The following DENND1A variants were observed in gnomAD, a reference collection of about 807,000 sequenced individuals.
DENND1A encodes the protein DENN domain-containing protein 1A.
A neutral mutation model predicts 113.7 loss-of-function variants in DENND1A; 51 were observed. That is an observed-to-expected ratio of 0.45 (90% CI 0.36 to 0.57). The LOEUF (loss-of-function observed/expected upper bound fraction) is 0.57. Ranked by LOEUF, DENND1A falls within the 20% of genes least tolerant of loss-of-function variation. The pLI is 0.00. For missense variants in DENND1A, 1,258 were observed against 1,395.9 expected (o/e 0.90, Z 1.57); for synonymous variants, 565 against 570.8 (o/e 0.99, Z 0.14).
intron 10 of DENND1A, among the ~76,000 whole-genome samples, chr9:123,614,434 C>T (rs2060551623): frequency 6.6e-6 from 1 of 152,176 alleles, no homozygotes; most frequent in Non-Finnish European, 1.5e-5. Flanking sequence ...TGCAGACTTA[C>T]TAACGATCCT....
chr9:123,413,424 T>C, intron 19 of DENND1A: 1 of 985,438 alleles, frequency 1.0e-6, no homozygotes, highest in African/African-American at 1.7e-5. Context: ...ACAGTGCTGA[T>C]ATAGGGCTCT....
intron 1 of DENND1A, among the ~76,000 whole-genome samples, chr9:123,908,647 C>G (rs1309469280): frequency 2.0e-5 from 3 of 150,694 alleles, no homozygotes; most frequent in South Asian, 2.1e-4. Context: ...ACCACAATGA[C>G]ATACCATCTC....
intron 2 of DENND1A, among the ~76,000 whole-genome samples, chr9:123,811,301 G>C (rs1836557682): frequency 6.6e-6 from 1 of 152,224 alleles, no homozygotes; most frequent in African/African-American, 2.4e-5. Flanking sequence ...GGTTAGAAGT[G>C]TGGGAAACAT....
chr9:123,636,741 C>T (rs1265868680), intron 9 of DENND1A, among the ~76,000 whole-genome samples: 1 of 147,868 alleles, frequency 6.8e-6, no homozygotes, highest in Non-Finnish European at 1.5e-5. Flanking sequence ...ACTCTTGTTG[C>T]CCAGGCTGGA....
intron 5 of DENND1A, among the ~76,000 whole-genome samples, chr9:123,735,021 T>C (rs1462881234): frequency 6.6e-6 from 1 of 152,084 alleles, no homozygotes; most frequent in Non-Finnish European, 1.5e-5. Context: ...CCAGAAAAGT[T>C]GGAGATGCTC....
At chr9:123,740,994 T>C (rs765642457) in intron 5 of DENND1A, among the ~76,000 whole-genome samples, 1 of 151,072 alleles carries the variant, frequency 6.6e-6, no homozygotes, top group African/African-American at 2.4e-5. Context: ...GCAACTTTTA[T>C]TCATTCAATA....
intron 5 of DENND1A, among the ~76,000 whole-genome samples, chr9:123,727,249 G>A (rs1589827368): frequency 6.6e-6 from 1 of 152,230 alleles, no homozygotes; most frequent in East Asian, 1.9e-4. Flanking sequence ...AGAGAAAAGA[G>A]CCAGAAAACA....
chr9:123,491,532 CG>C (rs2051376037), intron 13 of DENND1A, among the ~76,000 whole-genome samples: 1 of 152,190 alleles, frequency 6.6e-6, no homozygotes, highest in Non-Finnish European at 1.5e-5. Context: ...CTGCCATGAA[CG>C]CTCTAGTATA....
At chr9:123,881,543 C>A (rs1848315979) in intron 1 of DENND1A, among the ~76,000 whole-genome samples, 2 of 152,172 alleles carry the variant, frequency 1.3e-5, no homozygotes, top group Admixed American at 6.5e-5. Context: ...TTCTTCAGGA[C>A]CCTAGGACTT....
At chr9:123,646,449 G>A (rs998364789) in intron 9 of DENND1A, among the ~76,000 whole-genome samples, 2 of 152,088 alleles carry the variant, frequency 1.3e-5, no homozygotes, top group African/African-American at 4.8e-5. Context: ...TAGCATGTTG[G>A]CATGCTCATA....
At position 123,745,182 on chromosome 9, in the gene DENND1A, G is replaced by A. The variant is rs2069386262; in HGVS notation, c.302+12521C>T. 2.6e-5 allele frequency among the ~76,000 whole-genome samples: 4 copies of A among 152,252 alleles called. No individual in the cohort carries two copies. In the South Asian group the frequency reaches 8.3e-4, roughly 32 times the overall value. On this transcript the variant is annotated intron_variant, in intron 5 of 23. Coordinates refer to ENST00000394215, the MANE Select transcript of DENND1A (RefSeq NM_001352964.2). ...AGCTCATTTCCAAATCAGGAGGACT[G>A]GAATGCAGGCCCTACTCTGACACTA...
At chr9:123,732,755 T>C (rs1249954650) in intron 5 of DENND1A, among the ~76,000 whole-genome samples, 2 of 152,200 alleles carry the variant, frequency 1.3e-5, no homozygotes, top group Non-Finnish European at 1.5e-5. Context: ...AATACACTTA[T>C]CTGATTGAAT....
At chr9:123,876,334 G>A (rs551945592) in intron 2 of DENND1A, among the ~76,000 whole-genome samples, 2 of 152,308 alleles carry the variant, frequency 1.3e-5, no homozygotes, top group Non-Finnish European at 2.9e-5. Flanking sequence ...GGAAAATGCT[G>A]TAAAGGACAT....
At chr9:123,885,151 C>G (rs1848875154) in intron 1 of DENND1A, among the ~76,000 whole-genome samples, 1 of 152,166 alleles carries the variant, frequency 6.6e-6, no homozygotes, top group Non-Finnish European at 1.5e-5. Context: ...CTCACCATAT[C>G]CAACCCTGGT....
At chr9:123,660,287 G>C (rs1021424022) in intron 8 of DENND1A, among the ~76,000 whole-genome samples, 1 of 152,134 alleles carries the variant, frequency 6.6e-6, no homozygotes, top group African/African-American at 2.4e-5. Flanking sequence ...AACAACGCTA[G>C]CCTTTTACTG....
Position 123,777,743 on chromosome 9 carries a change from T to C in DENND1A, c.133-8180A>G, listed in dbSNP as rs148503469. Among the ~76,000 whole-genome samples the C allele has an allele frequency of 6.4e-3, 968 of 152,320 alleles. 8 individuals are homozygous for C. Among genetic ancestry groups the C allele is most frequent in the Non-Finnish European group, 0.01 (688 of 68,018 alleles). ...GCCTAAAATGTTGAAAAGGAAATAATAGGCTTTATTTATCCAGTGGCAGGG... is the reference window on the plus strand; with the variant it reads ...GCCTAAAATGTTGAAAAGGAAATAACAGGCTTTATTTATCCAGTGGCAGGG... On this transcript the variant is annotated intron_variant, in intron 3 of 23. Coordinates refer to ENST00000394215, the MANE Select transcript of DENND1A (RefSeq NM_001352964.2).
At chr9:123,833,094 C>T (rs994799161) in intron 2 of DENND1A, among the ~76,000 whole-genome samples, 1 of 121,056 alleles carries the variant, frequency 8.3e-6, no homozygotes, top group Non-Finnish European at 1.6e-5. Flanking sequence ...CACTGCGCTC[C>T]GGTCTGAACG....
intron 2 of DENND1A, among the ~76,000 whole-genome samples, chr9:123,808,821 C>G (rs1836052416): frequency 6.6e-6 from 1 of 152,262 alleles, no homozygotes; most frequent in Non-Finnish European, 1.5e-5. Context: ...ATAATACTTC[C>G]CAGTGAAAGC....
At chr9:123,449,760 G>A (rs1409152946) in intron 18 of DENND1A, among the ~76,000 whole-genome samples, 5 of 152,098 alleles carry the variant, frequency 3.3e-5, no homozygotes, top group Admixed American at 1.3e-4. Context: ...ACCAAACATT[G>A]TATGTTATCA....
Sources: allele counts gnomAD v4.1 joint callset (sites outside exome capture counted in the v4.1 genomes callset), GRCh38; gene constraint gnomAD v4.1.1; transcripts MANE v1.5; gene names NCBI Gene and HGNC (gene_info 2026-07-23, HGNC 2026-07-21).